ATP6V1B1: variants seen among roughly 807,000 people sequenced by gnomAD.
ATP6V1B1 encodes the protein V-type proton ATPase subunit B, kidney isoform.
ATP6V1B1 carries 41 observed loss-of-function variants against 62.1 expected under a neutral mutation model. The ratio of observed to expected loss-of-function variants is 0.66; its 90% confidence interval spans 0.51 to 0.86. The LOEUF (loss-of-function observed/expected upper bound fraction) is 0.86. ATP6V1B1 is among the 40% of genes least tolerant of loss of function. The probability of loss-of-function intolerance (pLI) is 0.00; values close to 1 mark genes in which losing one functional copy is unlikely to be tolerated. For missense variants in ATP6V1B1, 651 were observed against 697.5 expected, an observed-to-expected ratio of 0.93 and a Z score of 0.75; for synonymous variants, 253 against 273.4, an observed-to-expected ratio of 0.93 and a Z score of 0.74.
chr2:70,949,105 A>T (rs1168154091), intron 2 of ATP6V1B1, among the ~76,000 whole-genome samples: 1 of 152,226 alleles, frequency 6.6e-6, no homozygotes. Context: ...CGTAAAGTTA[A>T]CTATCTGCCC....
At chr2:70,945,972 A>C (rs1345651328) in intron 2 of ATP6V1B1, among the ~76,000 whole-genome samples, 1 of 151,638 alleles carries the variant, frequency 6.6e-6, no homozygotes, top group Non-Finnish European at 1.5e-5. Context: ...TATTTGGTCA[A>C]GATCTGGCCA....
In ATP6V1B1 at chr2:70,963,009, C is replaced by T; in HGVS notation, c.909+109C>T. ...GGGAGCTGGTCCACCCAAGCCTGCC[C>T]CACTCCCATGAGTTCCAGGGCTTGG... is the stretch of plus-strand genomic sequence containing the variant. On this transcript the variant is annotated intron_variant, in intron 9 of 13. Transcript: ENST00000234396. The surrounding 1 kb of genome is among the most constrained non-coding windows in gnomAD (Gnocchi z 4.3). 1.9e-6 allele frequency: 3 copies of T among 1,600,032 alleles called. No homozygotes were observed. Among genetic ancestry groups the T allele is most frequent in the Non-Finnish European group, 2.6e-6 (3 of 1,173,294 alleles).
rs574119759 is a variant in ATP6V1B1, at chr2:70,943,939, G to A, written c.174+226G>A. 9 of 906,326 alleles carry A rather than the reference G, an allele frequency of 9.9e-6. No individual in the cohort carries two copies. The East Asian group carries it at 9.5e-4, about 96-fold the overall frequency. 56.1% of individuals were successfully genotyped at this position (906,326 alleles called of 1,614,324 possible). On this transcript the variant is annotated intron_variant, in intron 2 of 13. Transcript: ENST00000234396. ...CAGTAAAAACCATAAAAACCCCATG[G>A]AGGCCCAGCCCTGGGCCTTGGGAAA... is the stretch of plus-strand genomic sequence containing the variant.
intron 2 of ATP6V1B1, among the ~76,000 whole-genome samples, chr2:70,951,077 A>C (rs1190972837): frequency 1.3e-5 from 2 of 151,310 alleles, no homozygotes; most frequent in Admixed American, 1.3e-4. Context: ...CGAGAAGCTG[A>C]GATTACAGGC....
rs2072463 is a variant in ATP6V1B1, at chr2:70,963,415, G to A, written c.1060+103G>A. On this transcript the variant is annotated intron_variant, in intron 10 of 13. Coordinates refer to ENST00000234396, the MANE Select transcript of ATP6V1B1 (RefSeq NM_001692.4). This position sits in a 1 kb window ranked among gnomAD's most constrained non-coding sequence, Gnocchi z 4.3. Reference sequence around the variant, plus strand: ...TTGCTTTGCACAGATGTGCAGCAGCGCTTTTCCTCCATCGAGATAGACACT... The same window carrying A: ...TTGCTTTGCACAGATGTGCAGCAGCACTTTTCCTCCATCGAGATAGACACT... 0.45 allele frequency: 709,625 copies of A among 1,569,764 alleles called. 166,280 individuals carry two copies. Among genetic ancestry groups the A allele is most frequent in the East Asian group, 0.66 (29,255 of 44,220 alleles).
intron 8 of ATP6V1B1, among the ~76,000 whole-genome samples, chr2:70,962,006 C>CATTTCCGTAAACATTTATTTAGAA (rs6146805): frequency 6.6e-6 from 1 of 152,090 alleles, no homozygotes; most frequent in South Asian, 2.1e-4. Flanking sequence ...CCAAGAAGAT[C>CATTTCCGTAAACATTTATTTAGAA]AAACTGCTAT....
chr2:70,965,403 AAAAAT>A lies in ATP6V1B1; in HGVS notation c.*287_*291del. On this transcript the variant is annotated 3_prime_UTR_variant, in exon 14 of 14. Transcript: ENST00000234396. ...TTTTTATGTTAAAAGCCCACAAAAT[AAAAAT>A]AAAAAGTAACTGAGATGAATTTACC... 1.9e-6 allele frequency: 1 copy of A among 531,376 alleles called. No individual in the cohort carries two copies. The highest frequency in any genetic ancestry group is 2.2e-5 in the South Asian group (1 of 44,706). 32.9% of individuals were successfully genotyped at this position (531,376 alleles called of 1,614,324 possible).
chr2:70,953,834 T>G (rs1553418624), intron 2 of ATP6V1B1, among the ~76,000 whole-genome samples: 1 of 152,228 alleles, frequency 6.6e-6, no homozygotes. Context: ...TTTAATATCT[T>G]AAAGATTTCA....
At chr2:70,945,701 G>GAGAT (rs1553417203) in intron 2 of ATP6V1B1, among the ~76,000 whole-genome samples, 34 of 82,996 alleles carry the variant, frequency 4.1e-4, no homozygotes, top group African/African-American at 1.1e-3. Context: ...TATTTGAAGA[G>GAGAT]ATATATATAT....
At chr2:70,943,972 C>T (rs1190487929) in intron 2 of ATP6V1B1, 5 of 974,940 alleles carry the variant, frequency 5.1e-6, no homozygotes, top group Non-Finnish European at 6.1e-6. Context: ...AAACCTCCTA[C>T]TATCCCTAAC....
intron 11 of ATP6V1B1, chr2:70,964,112 G>GTTTTTTTTTTTTTTTTTTTT (rs1330555546): frequency 6.4e-6 from 1 of 157,306 alleles, no homozygotes; most frequent in African/African-American, 5.4e-5. Context: ...TGCTTGGCAG[G>GTTTTTTTTTTTTTTTTTTTT]TATTTTTTTT....
chr2:70,958,561 G>A, intron 4 of ATP6V1B1, 135 bp downstream of exon 4: 2 of 831,632 alleles, frequency 2.4e-6, no homozygotes, highest in East Asian at 5.3e-5. Flanking sequence ...GCTCTTTGAG[G>A]TCTGGGGTAT....
At position 70,963,441 on chromosome 2, in the gene ATP6V1B1, G is replaced by A; in HGVS notation, c.1060+129G>A. On this transcript the variant is annotated intron_variant, in intron 10 of 13. Transcript: ENST00000234396. This position sits in a 1 kb window ranked among gnomAD's most constrained non-coding sequence, Gnocchi z 4.3. ...CTTTTCCTCCATCGAGATAGACACT[G>A]CCCTTTCCTCCACCATCCATGCCCC... The A allele has an allele frequency of 6.5e-7, 1 of 1,531,962 alleles. No homozygotes were observed. The highest frequency in any genetic ancestry group is 1.1e-5 in the South Asian group (1 of 88,122). The allele number at this position is 1,531,962 out of a possible 1,614,324, so 94.9% of individuals were successfully genotyped here. A position where few individuals can be genotyped will look rare whatever the true frequency, so the allele number is the denominator to read the frequency against.
At chr2:70,949,186 T>C (rs1326208818) in intron 2 of ATP6V1B1, among the ~76,000 whole-genome samples, 1 of 151,988 alleles carries the variant, frequency 6.6e-6, no homozygotes, top group African/African-American at 2.4e-5. Flanking sequence ...ATGTTAGAGG[T>C]TGACCTCGGG....
intron 2 of ATP6V1B1, among the ~76,000 whole-genome samples, chr2:70,945,226 C>G (rs13400501): frequency 0.16 from 23,926 of 152,158 alleles, 2,206 homozygotes; most frequent in East Asian, 0.48. Context: ...TTTTGAGATA[C>G]CTGCAACGAC....
At chr2:70,936,191 C>A in intron 1 of ATP6V1B1, 119 bp downstream of exon 1, 1 of 1,040,448 alleles carries the variant, frequency 9.6e-7, no homozygotes, top group Non-Finnish European at 1.4e-6. Flanking sequence ...CCTGGGGAGA[C>A]CTGGAGGGCT....
intron 2 of ATP6V1B1, among the ~76,000 whole-genome samples, chr2:70,954,347 C>T (rs576703799): frequency 6.6e-6 from 1 of 152,256 alleles, no homozygotes; most frequent in South Asian, 2.1e-4. Flanking sequence ...AGCTAGAATG[C>T]TTTTCTTTCC....
At chr2:70,956,163 G>T (rs1421433006) in intron 2 of ATP6V1B1, 8 of 234,514 alleles carry the variant, frequency 3.4e-5, no homozygotes, top group Admixed American at 8.3e-5. Flanking sequence ...CATGACCATT[G>T]GATGATATCA....
intron 2 of ATP6V1B1, among the ~76,000 whole-genome samples, chr2:70,947,379 G>C (rs979728930): frequency 2.6e-5 from 4 of 152,136 alleles, no homozygotes; most frequent in Non-Finnish European, 5.9e-5. Context: ...GCATGCCTGG[G>C]GTAGGAGGCC....
Sources: allele counts gnomAD v4.1 joint callset (sites outside exome capture counted in the v4.1 genomes callset), GRCh38; gene constraint gnomAD v4.1.1; non-coding constraint Gnocchi (gnomAD v3.1); transcripts MANE v1.5; gene names NCBI Gene and HGNC (gene_info 2026-07-23, HGNC 2026-07-21).